The following IQSEC1 variants were observed in gnomAD, a reference collection of about 807,000 sequenced individuals.
IQSEC1 encodes the protein IQ motif and SEC7 domain-containing protein 1.
IQSEC1 carries 31 observed loss-of-function variants against 91.0 expected under a neutral mutation model. That is an observed-to-expected ratio of 0.34 (90% CI 0.26 to 0.46). The LOEUF is 0.46. IQSEC1 is among the 20% of genes least tolerant of loss of function. The pLI is 1.00. For synonymous variants in IQSEC1, 699 were observed against 662.6 expected (o/e 1.05, Z -0.84); for missense variants, 1,388 against 1,575.6 (o/e 0.88, Z 2.02).
intron 1 of IQSEC1, among the ~76,000 whole-genome samples, chr3:13,029,399 A>ACT (rs1227405298): frequency 6.6e-6 from 1 of 152,216 alleles, no homozygotes; most frequent in Non-Finnish European, 1.5e-5. Flanking sequence ...GGGGAATTGA[A>ACT]CTGAAGCAGC....
rs1319742276 is a variant in IQSEC1 at position 12,898,729 on chromosome 3, C to T, written c.*2254G>A. The T allele has an allele frequency of 3.3e-5, 5 of 152,434 alleles. No individual in the cohort carries two copies. In the East Asian group the frequency reaches 7.7e-4, roughly 23 times the overall value. 9.4% of individuals were successfully genotyped at this position (152,434 alleles called of 1,614,324 possible). ...ACATACTCAATATGTAATCGCTTTA[C>T]TTCAACGATGTGTTTACAGTCACGC... On this transcript the variant is annotated 3_prime_UTR_variant, in exon 14 of 14. Coordinates refer to ENST00000613206, the MANE Select transcript of IQSEC1 (RefSeq NM_001134382.3).
intron 1 of IQSEC1, among the ~76,000 whole-genome samples, chr3:13,269,866 G>C (rs978687844): frequency 5.3e-5 from 8 of 152,252 alleles, no homozygotes; most frequent in African/African-American, 1.9e-4. Context: ...CTCTGCCCTT[G>C]AATTTGGGCT....
Position 13,260,380 on chromosome 3 carries a change from T to A in IQSEC1, c.272+22331A>T, listed in dbSNP as rs11920377. On this transcript the variant is annotated intron_variant, in intron 1 of 15. Coordinates refer to the IQSEC1 transcript ENST00000648114. ...CTATGCAGTGATGCAGAAACGCAGA[T>A]CAATACACGACGGGCTGATGTGCAA... Among the ~76,000 whole-genome samples the A allele has an allele frequency of 2.7e-3, 408 of 152,258 alleles. 2 individuals carry two copies. Among genetic ancestry groups the A allele is most frequent in the African/African-American group, 9.0e-3 (374 of 41,546 alleles).
intron 1 of IQSEC1, among the ~76,000 whole-genome samples, chr3:13,236,454 G>A (rs891140198): frequency 5.9e-5 from 9 of 152,302 alleles, no homozygotes; most frequent in African/African-American, 1.4e-4. Flanking sequence ...CCCTGCTTTC[G>A]TTAGTGGGGA....
In IQSEC1 at chr3:12,919,741, G is replaced by A. The variant is rs112782938; in HGVS notation, c.2020+689C>T. Among the ~76,000 whole-genome samples the A allele has an allele frequency of 9.4e-3, 1,438 of 152,330 alleles. 10 individuals carry two copies. The highest frequency in any genetic ancestry group is 0.016 in the Non-Finnish European group (1,104 of 68,034). ...GGTTCCCACAGGGACTGAGGGATGC[G>A]GTGCCTTCCTCCTTCCTTCCGGGGA... On this transcript the variant is annotated intron_variant, in intron 6 of 13. Transcript: ENST00000613206.
chr3:13,028,791 T>C (rs1336191721), intron 1 of IQSEC1, among the ~76,000 whole-genome samples: 1 of 152,204 alleles, frequency 6.6e-6, no homozygotes, highest in African/African-American at 2.4e-5. Flanking sequence ...CACCGGAGGC[T>C]CTGGCCTCAT....
chr3:12,986,864 T>G (rs1183396433), intron 1 of IQSEC1: 4 of 271,020 alleles, frequency 1.5e-5, no homozygotes, highest in Non-Finnish European at 3.1e-5. Flanking sequence ...ATCTCCCAGA[T>G]CTCAGCTGCC....
At chr3:13,190,766 C>T (rs757652268) in intron 1 of IQSEC1, among the ~76,000 whole-genome samples, 1 of 152,184 alleles carries the variant, frequency 6.6e-6, no homozygotes, top group Non-Finnish European at 1.5e-5. Flanking sequence ...TACATAAACA[C>T]TGTAAGTTGC....
Position 12,900,758 on chromosome 3 carries a change from C to A in IQSEC1, c.*225G>T. The A allele has an allele frequency of 2.8e-6, 4 of 1,426,924 alleles. No individual in the cohort carries two copies. Among genetic ancestry groups the A allele is most frequent in the Non-Finnish European group, 2.7e-6 (3 of 1,094,652 alleles). The allele number at this position is 1,426,924 out of a possible 1,614,324, so 88.4% of individuals were successfully genotyped here. ...GTCTGAGGCCCACCCATCCCTCAGA[C>A]TGAGGTGAGCAGAGCCCAGGGTGCC... is the stretch of plus-strand genomic sequence containing the variant. On this transcript the variant is annotated 3_prime_UTR_variant, in exon 14 of 14. Transcript: ENST00000613206.
chr3:13,182,216 A>G (rs528995853), intron 1 of IQSEC1, among the ~76,000 whole-genome samples: 356 of 152,058 alleles, frequency 2.3e-3, no homozygotes, highest in Non-Finnish European at 4.3e-3. Flanking sequence ...TCCATTCCCC[A>G]TTTTCTGGTA....
Position 12,979,189 on chromosome 3 carries a change from C to T in IQSEC1, c.24-37324G>A, listed in dbSNP as rs879393592. ...TCAAGAAAACTTTATATCTGCTCCA[C>T]AAGTGAAAAGCCAGCCTCACTAAGC... On this transcript the variant is annotated intron_variant, in intron 1 of 13. Coordinates refer to ENST00000613206, the MANE Select transcript of IQSEC1 (RefSeq NM_001134382.3). This position sits in a 1 kb window ranked among gnomAD's most constrained non-coding sequence, Gnocchi z 4.3. Among the ~76,000 whole-genome samples the T allele has an allele frequency of 6.6e-6, 1 of 152,210 alleles. No individual in the cohort carries two copies. The highest frequency in any genetic ancestry group is 1.5e-5 in the Non-Finnish European group (1 of 68,052).
chr3:12,937,558 C>T (rs757266871), intron 2 of IQSEC1, among the ~76,000 whole-genome samples: 1 of 152,206 alleles, frequency 6.6e-6, no homozygotes. Context: ...CCAGGCTATG[C>T]CCCTTGGTAG....
chr3:12,903,735 G>A (rs547182658), intron 12 of IQSEC1, among the ~76,000 whole-genome samples: 219 of 152,320 alleles, frequency 1.4e-3, no homozygotes, highest in Non-Finnish European at 2.6e-3. Flanking sequence ...AGCATGACGG[G>A]CCCAGCTCTC....
At position 13,207,689 on chromosome 3, in the gene IQSEC1, G is replaced by A. The variant is rs1694368553; in HGVS notation, c.273-43556C>T. Among the ~76,000 whole-genome samples, 1 of 152,126 alleles carries A rather than the reference G, an allele frequency of 6.6e-6. No individual in the cohort carries two copies. Among genetic ancestry groups the A allele is most frequent in the Non-Finnish European group, 1.5e-5 (1 of 68,012 alleles). On this transcript the variant is annotated intron_variant, in intron 1 of 15. Transcript: ENST00000648114. The surrounding 1 kb of genome is among the most constrained non-coding windows in gnomAD (Gnocchi z 4.8). ...GCACCCAGGGCTCCTTCGCCCCTCA[G>A]ATTCCTGCAGGGGCTTATCCCTGCC...
chr3:13,096,895 C>T (rs1483955986), intron 2 of IQSEC1, among the ~76,000 whole-genome samples: 3 of 149,632 alleles, frequency 2.0e-5, no homozygotes, highest in African/African-American at 7.4e-5. Flanking sequence ...GAGTCTCGCT[C>T]TGTTGCCCAG....
At chr3:13,096,298 TG>T (rs1166850211) in intron 2 of IQSEC1, among the ~76,000 whole-genome samples, 2 of 152,146 alleles carry the variant, frequency 1.3e-5, no homozygotes, top group Admixed American at 1.3e-4. Context: ...GTCTTGGAGG[TG>T]GGGCATGTGG....
rs1243748319 is a variant in IQSEC1 at position 13,193,433 on chromosome 3, CAGAGTGGTGACCACAGGAAGG to C, written c.273-29321_273-29301del. On this transcript the variant is annotated intron_variant, in intron 1 of 15. Coordinates refer to the IQSEC1 transcript ENST00000648114. This position sits in a 1 kb window ranked among gnomAD's most constrained non-coding sequence, Gnocchi z 4.2. ...TGGCTTGGAAAGAGCTCTCTGGCTA[CAGAGTGGTGACCACAGGAAGG>C]GGAGCACGCTGGGGGATGAAGGATG... 6.6e-6 allele frequency among the ~76,000 whole-genome samples: 1 copy of C among 152,136 alleles called. No individual in the cohort carries two copies. Among genetic ancestry groups the C allele is most frequent in the Non-Finnish European group, 1.5e-5 (1 of 68,030 alleles).
intron 12 of IQSEC1, among the ~76,000 whole-genome samples, chr3:12,904,494 G>A (rs1482185729): frequency 1.3e-5 from 2 of 152,352 alleles, no homozygotes; most frequent in East Asian, 3.9e-4. Context: ...CAGCCAGTGT[G>A]GGAAGAAGGG....
At chr3:12,915,534 G>A (rs1466369462) in intron 7 of IQSEC1, 60 bp downstream of exon 7, 6 of 1,577,902 alleles carry the variant, frequency 3.8e-6, no homozygotes, top group East Asian at 2.3e-5. Context: ...GAGAAGGCCT[G>A]GCAGGCAGCC....
Sources: gnomAD v4.1 joint callset for allele counts (sites outside exome capture counted in the v4.1 genomes callset) on GRCh38, gnomAD v4.1.1 for gene constraint, Gnocchi (gnomAD v3.1) non-coding constraint, MANE v1.5 for transcripts, NCBI Gene and HGNC (gene_info 2026-07-23, HGNC 2026-07-21) for gene names.